HDAC9: variants seen among roughly 807,000 people sequenced by gnomAD.
HDAC9 encodes histone deacetylase 9, also known as MEF-2 interacting transcription repressor (MITR) protein.
Under a neutral mutation model 139.4 loss-of-function variants are expected in HDAC9, and 41 were observed. The ratio of observed to expected loss-of-function variants is 0.29; its 90% CI spans 0.23 to 0.38. The LOEUF is 0.38. Ranked by LOEUF, HDAC9 falls within the 10% of genes least tolerant of loss-of-function variation. The pLI, the probability that HDAC9 is intolerant of heterozygous loss-of-function variation, is 1.00. For missense variants in HDAC9, 1,147 were observed against 1,297.0 expected, an observed-to-expected ratio of 0.88 and a Z score of 1.78; for synonymous variants, 517 against 476.2, an observed-to-expected ratio of 1.09 and a Z score of -1.12.
intron 21 of HDAC9, among the ~76,000 whole-genome samples, chr7:18,864,386 G>T (rs1303251112): frequency 6.6e-6 from 1 of 151,998 alleles, no homozygotes; most frequent in East Asian, 1.9e-4. Flanking sequence ...GGAAAATGGG[G>T]AGTTGCTCAA....
chr7:18,121,236 T>C (rs1784349707), intron 1 of HDAC9, among the ~76,000 whole-genome samples: 1 of 152,182 alleles, frequency 6.6e-6, no homozygotes, highest in Admixed American at 6.5e-5. Flanking sequence ...TCTAGAATAT[T>C]AAATTTTTGT....
intron 1 of HDAC9, among the ~76,000 whole-genome samples, chr7:18,467,484 G>A (rs1380798353): frequency 6.6e-6 from 1 of 152,004 alleles, no homozygotes; most frequent in East Asian, 1.9e-4. Context: ...TCTGATAAAT[G>A]TCACTTTCTT....
intron 12 of HDAC9, among the ~76,000 whole-genome samples, chr7:18,694,540 G>A (rs534335744): frequency 2.6e-5 from 4 of 152,142 alleles, no homozygotes; most frequent in Admixed American, 6.6e-5. Context: ...GATAACTGAC[G>A]CAGGGCACCC....
chr7:18,717,303 C>G (rs866136599), intron 12 of HDAC9, among the ~76,000 whole-genome samples: 6 of 152,146 alleles, frequency 3.9e-5, no homozygotes, highest in Middle Eastern at 3.2e-3. Context: ...TTCAGCAATG[C>G]TATCCATAGC....
At chr7:18,963,183 A>G (rs1249063919) in intron 24 of HDAC9, among the ~76,000 whole-genome samples, 1 of 152,200 alleles carries the variant, frequency 6.6e-6, no homozygotes, top group Non-Finnish European at 1.5e-5. Flanking sequence ...GCTGAAATTT[A>G]ATAAGGAGCA....
At chr7:18,765,077 G>A (rs184677720) in intron 15 of HDAC9, among the ~76,000 whole-genome samples, 12 of 152,120 alleles carry the variant, frequency 7.9e-5, no homozygotes, top group Non-Finnish European at 1.3e-4. Flanking sequence ...GTTTCCAGTC[G>A]TCTTGAGGCT....
At chr7:18,249,338 A>G (rs574900544) in intron 2 of HDAC9, among the ~76,000 whole-genome samples, 1 of 151,520 alleles carries the variant, frequency 6.6e-6, no homozygotes, top group South Asian at 2.1e-4. Flanking sequence ...CCCTGTCTCT[A>G]CTCAAAATAC....
intron 13 of HDAC9, among the ~76,000 whole-genome samples, chr7:18,747,907 TACTTTATTAA>T (rs1359945899): frequency 1.3e-5 from 2 of 152,198 alleles, no homozygotes; most frequent in African/African-American, 4.8e-5. Context: ...GAATAAAATG[TACTTTATTAA>T]ACTTCTTTTA....
intron 24 of HDAC9, among the ~76,000 whole-genome samples, chr7:18,968,179 A>T (rs1015709778): frequency 6.6e-6 from 1 of 152,194 alleles, no homozygotes; most frequent in Non-Finnish European, 1.5e-5. Context: ...AAAGAAAGAA[A>T]AAAGAAACTT....
chr7:18,984,290 A>G (rs1274654510), intron 25 of HDAC9, among the ~76,000 whole-genome samples: 1 of 152,122 alleles, frequency 6.6e-6, no homozygotes, highest in Non-Finnish European at 1.5e-5. Flanking sequence ...TATGAGTGCA[A>G]ACTTTGGGAA....
At chr7:18,955,666 G>A (rs1392684990) in intron 24 of HDAC9, among the ~76,000 whole-genome samples, 2 of 152,128 alleles carry the variant, frequency 1.3e-5, no homozygotes, top group Non-Finnish European at 2.9e-5. Flanking sequence ...AGTCCAATGA[G>A]TGAGAGACAA....
At chr7:18,741,559 T>C (rs573015058) in intron 13 of HDAC9, among the ~76,000 whole-genome samples, 1 of 152,222 alleles carries the variant, frequency 6.6e-6, no homozygotes, top group East Asian at 1.9e-4. Context: ...AGAACTCTGA[T>C]GGACATGTGC....
intron 1 of HDAC9, among the ~76,000 whole-genome samples, chr7:18,408,701 G>T (rs1427822952): frequency 2.0e-5 from 3 of 152,170 alleles, no homozygotes; most frequent in Admixed American, 6.5e-5. Flanking sequence ...TTACAGAAAA[G>T]AATTGGGAGG....
intron 1 of HDAC9, among the ~76,000 whole-genome samples, chr7:18,133,670 T>C (rs1785178882): frequency 6.6e-6 from 1 of 152,122 alleles, no homozygotes; most frequent in Admixed American, 6.6e-5. Context: ...GTTGGTTGTT[T>C]TGCATTTAAA....
intron 1 of HDAC9, among the ~76,000 whole-genome samples, chr7:18,479,110 ATAT>A (rs2052506907): frequency 6.6e-6 from 1 of 152,074 alleles, no homozygotes; most frequent in African/African-American, 2.4e-5. Context: ...GCACAAAATT[ATAT>A]TATTATATCA....
chr7:18,413,292 A>T (rs1178861814), intron 1 of HDAC9, among the ~76,000 whole-genome samples: 1 of 152,202 alleles, frequency 6.6e-6, no homozygotes, highest in South Asian at 2.1e-4. Flanking sequence ...TGTGATAAGT[A>T]TAATATACCA....
chr7:18,607,509 G>A (rs762647123), intron 6 of HDAC9, among the ~76,000 whole-genome samples: 1 of 152,178 alleles, frequency 6.6e-6, no homozygotes, highest in Non-Finnish European at 1.5e-5. Context: ...GCCCAGTACA[G>A]TGTGTGACAT....
At chr7:18,545,581 C>T (rs550317593) in intron 2 of HDAC9, among the ~76,000 whole-genome samples, 3 of 152,248 alleles carry the variant, frequency 2.0e-5, no homozygotes, top group African/African-American at 7.2e-5. Flanking sequence ...CTTGAAACTG[C>T]TGGGCTTGAC....
intron 25 of HDAC9, among the ~76,000 whole-genome samples, chr7:18,980,687 T>TC (rs1491133318): frequency 1.1e-4 from 16 of 142,300 alleles, no homozygotes; most frequent in South Asian, 4.3e-4. Flanking sequence ...TTGTTCTTCT[T>TC]GTTCTTCTTC....
Sources: allele counts gnomAD v4.1 joint callset (sites outside exome capture counted in the v4.1 genomes callset), GRCh38; gene constraint gnomAD v4.1.1; transcripts MANE v1.5; gene names NCBI Gene and HGNC (gene_info 2026-07-23, HGNC 2026-07-21).